Variants in BFSP2 observed in about 807,000 individuals in gnomAD.
BFSP2 encodes phakinin.
In BFSP2, 38 loss-of-function variants were observed where a neutral mutation model predicts 44.9. The ratio of observed to expected loss-of-function variants is 0.85; its 90% CI spans 0.65 to 1.11. The LOEUF (loss-of-function observed/expected upper bound fraction) is 1.11, where lower values mean the gene tolerates loss of function less well. Among genes scored for constraint, BFSP2 ranks in the 50% least tolerant of loss-of-function variants. The pLI is 0.00. For synonymous variants in BFSP2, 197 were observed against 209.9 expected (o/e 0.94, Z 0.53); for missense variants, 525 against 533.0 (o/e 0.99, Z 0.15).
In BFSP2 at chr3:133,400,306, C is replaced by T. The variant is rs766843026; in HGVS notation, c.223C>T (p.Arg75Cys). 1.2e-6 allele frequency: 2 copies of T among 1,614,012 alleles called. No homozygotes were observed. The highest frequency in any genetic ancestry group is 1.1e-5 in the South Asian group (1 of 91,080). Residue 75 changes from arginine (R) to cysteine (C), a missense_variant, in exon 1 of 7, where the codon CGC becomes TGC. Physicochemically the swap from Arg to Cys is radical, Grantham distance 180 (BLOSUM62 -3). Coordinates refer to ENST00000302334, the MANE Select transcript of BFSP2 (RefSeq NM_003571.4). The surrounding 1 kb of genome is among the most constrained non-coding windows in gnomAD (Gnocchi z 4.0). The part of the protein sequence containing the change: ...CIGGLGARVT[R>C]RALGISSVFL... ...AGGTGGCTTGGGTGCCCGTGTGACC[C>T]GCCGGGCCCTCGGCATCAGCAGTGT... is the stretch of plus-strand genomic sequence containing the variant.
Position 133,466,835 on chromosome 3 carries a change from C to G in BFSP2, c.899C>G (p.Ala300Gly). Residue 300 changes from alanine to glycine, a missense_variant, in exon 5 of 7, where the codon GCG becomes GGG. Transcript: ENST00000302334. ...AGALLQAKQQAEVAHMSQTQE... is the reference protein window; with the variant it reads ...AGALLQAKQQGEVAHMSQTQE... ...AGACCTGACTCTCCACAGCAACAGG[C>G]GGAGGTGGCCCACATGTCCCAGACC... is the stretch of plus-strand genomic sequence containing the variant. The G allele has an allele frequency of 6.2e-7, 1 of 1,613,664 alleles. No homozygotes were observed. The highest frequency in any genetic ancestry group is 1.1e-5 in the South Asian group (1 of 91,032).
At chr3:133,405,519 C>G (rs72980050) in intron 1 of BFSP2, among the ~76,000 whole-genome samples, 2,140 of 151,988 alleles carry the variant, frequency 0.014, 51 homozygotes, top group African/African-American at 0.049. Context: ...CTAGAAGGCT[C>G]TCTTTTTAGA....
At chr3:133,404,691 G>A (rs2073389754) in intron 1 of BFSP2, among the ~76,000 whole-genome samples, 1 of 152,162 alleles carries the variant, frequency 6.6e-6, no homozygotes, top group African/African-American at 2.4e-5. Flanking sequence ...AAAGGAAAAA[G>A]CATTATATTT....
chr3:133,424,222 T>TGTGTG (rs1553778829), intron 1 of BFSP2, among the ~76,000 whole-genome samples: 2,083 of 108,934 alleles, frequency 0.019, 72 homozygotes, highest in East Asian at 0.049. Context: ...ATTTTTTTTT[T>TGTGTG]TTTTTTTTTT....
At chr3:133,463,285 G>C (rs545352486) in intron 4 of BFSP2, among the ~76,000 whole-genome samples, 3 of 152,202 alleles carry the variant, frequency 2.0e-5, no homozygotes, top group East Asian at 1.9e-4. Flanking sequence ...CTCCAGCCTG[G>C]GGGACAAGAG....
chr3:133,443,416 T>C (rs1448009235), intron 1 of BFSP2, among the ~76,000 whole-genome samples: 8 of 151,956 alleles, frequency 5.3e-5, no homozygotes, highest in Non-Finnish European at 1.2e-4. Flanking sequence ...AGAGGTCAGA[T>C]AAGGAAGAAA....
At chr3:133,422,567 C>T (rs1340503661) in intron 1 of BFSP2, among the ~76,000 whole-genome samples, 1 of 152,198 alleles carries the variant, frequency 6.6e-6, no homozygotes, top group African/African-American at 2.4e-5. Flanking sequence ...CACTGCTCCC[C>T]ATCATCTCTG....
intron 4 of BFSP2, among the ~76,000 whole-genome samples, chr3:133,454,728 C>A (rs955212430): frequency 5.3e-5 from 8 of 152,194 alleles, no homozygotes; most frequent in Admixed American, 2.0e-4. Context: ...ATGCTTAAGG[C>A]AACGTATGTG....
intron 4 of BFSP2, among the ~76,000 whole-genome samples, chr3:133,451,818 C>G (rs905996679): frequency 3.9e-5 from 6 of 152,080 alleles, no homozygotes; most frequent in Non-Finnish European, 7.4e-5. Flanking sequence ...ATAAATAATA[C>G]AGGAATTAAC....
intron 1 of BFSP2, chr3:133,429,574 G>A (rs9858482): frequency 0.83 from 126,270 of 152,204 alleles, 52,537 homozygotes; most frequent in Middle Eastern, 0.94. Context: ...ACACCTTCAC[G>A]GAAACATCTA....
intron 1 of BFSP2, among the ~76,000 whole-genome samples, chr3:133,425,200 TTAC>T (rs2107897839): frequency 1.3e-5 from 2 of 152,324 alleles, no homozygotes; most frequent in Non-Finnish European, 2.9e-5. Flanking sequence ...TAATGAGGGC[TTAC>T]TATGCACCAA....
At chr3:133,451,877 C>T (rs549784964) in intron 4 of BFSP2, among the ~76,000 whole-genome samples, 2 of 152,242 alleles carry the variant, frequency 1.3e-5, no homozygotes, top group African/African-American at 4.8e-5. Flanking sequence ...CATCTCCCAC[C>T]CATTTCTGAC....
At chr3:133,415,082 G>C (rs1191771262) in intron 1 of BFSP2, among the ~76,000 whole-genome samples, 2 of 93,388 alleles carry the variant, frequency 2.1e-5, no homozygotes, top group Non-Finnish European at 4.1e-5. Context: ...ACTTGCCCCA[G>C]TCCTCTCCCC....
At position 133,415,923 on chromosome 3, in the gene BFSP2, T is replaced by A. The variant is rs2073521650; in HGVS notation, c.489+15351T>A. Among the ~76,000 whole-genome samples the A allele has an allele frequency of 2.4e-5, 3 of 123,780 alleles. No individual in the cohort carries two copies. The South Asian group carries it at 9.3e-4, about 39-fold the overall frequency. The allele number at this position is 123,780 out of a possible 152,430, so 81.2% of individuals were successfully genotyped here. On this transcript the variant is annotated intron_variant, in intron 1 of 6. Coordinates refer to ENST00000302334, the MANE Select transcript of BFSP2 (RefSeq NM_003571.4). ...CTCTCCCCTCTACTCACCTCTGTAC[T>A]CAGCCCTGCCATCTCCCCTCTACTC...
At chr3:133,423,358 G>A (rs947149627) in intron 1 of BFSP2, among the ~76,000 whole-genome samples, 1 of 152,216 alleles carries the variant, frequency 6.6e-6, no homozygotes, top group African/African-American at 2.4e-5. Flanking sequence ...CCACCGGGTT[G>A]TTGTGGGAAT....
chr3:133,437,019 G>A (rs565244515), intron 1 of BFSP2, among the ~76,000 whole-genome samples: 2 of 152,176 alleles, frequency 1.3e-5, no homozygotes, highest in South Asian at 2.1e-4. Context: ...TGGACATTTG[G>A]GTTGGTTCCA....
intron 4 of BFSP2, among the ~76,000 whole-genome samples, chr3:133,463,283 T>A (rs2074080736): frequency 6.6e-6 from 1 of 152,022 alleles, no homozygotes; most frequent in Non-Finnish European, 1.5e-5. Context: ...CACTCCAGCC[T>A]GGGGGACAAG....
At chr3:133,448,689 G>A in intron 3 of BFSP2, 44 bp downstream of exon 3, 1 of 1,604,710 alleles carries the variant, frequency 6.2e-7, no homozygotes, top group South Asian at 1.1e-5. Context: ...AAGACCAGAA[G>A]TTCACATCTG....
chr3:133,416,263 T>TCCTCTACTCACCCCTGTCCTCTCC (rs2073527531), intron 1 of BFSP2, among the ~76,000 whole-genome samples: 1 of 68,212 alleles, frequency 1.5e-5, no homozygotes, highest in East Asian at 5.4e-4. Context: ...CTGTCCTCTC[T>TCCTCTACTCACCCCTGTCCTCTCC]CCTCTACTCA....
Sources: allele counts gnomAD v4.1 joint callset (sites outside exome capture counted in the v4.1 genomes callset), GRCh38; gene constraint gnomAD v4.1.1; non-coding constraint Gnocchi (gnomAD v3.1); transcripts MANE v1.5; gene names NCBI Gene and HGNC (gene_info 2026-07-23, HGNC 2026-07-21).